Variants in LRRC4C observed in about 807,000 individuals in gnomAD.
LRRC4C encodes the protein leucine rich repeat containing 4C.
Under a neutral mutation model 33.6 loss-of-function variants are expected in LRRC4C, and 5 were observed. The ratio of observed to expected loss-of-function variants is 0.15; its 90% CI spans 0.08 to 0.31. LRRC4C has a LOEUF of 0.31. Among genes scored for constraint, LRRC4C ranks in the 10% least tolerant of loss-of-function variants. LRRC4C has a pLI of 1.00. For missense variants in LRRC4C, 560 were observed against 796.7 expected (o/e 0.70, Z 3.58); for synonymous variants, 329 against 302.0 (o/e 1.09, Z -0.93).
chr11:40,851,028 G>T (rs1274737153), intron 2 of LRRC4C, among the ~76,000 whole-genome samples: 1 of 152,170 alleles, frequency 6.6e-6, no homozygotes, highest in Non-Finnish European at 1.5e-5. Context: ...TGCTGGCAGT[G>T]AGAATTTCAA....
intron 2 of LRRC4C, among the ~76,000 whole-genome samples, chr11:40,708,603 T>C (rs969345928): frequency 6.6e-6 from 1 of 152,226 alleles, no homozygotes; most frequent in Non-Finnish European, 1.5e-5. Context: ...TCTGTTCTTT[T>C]ACATTTGCTG....
chr11:40,790,717 A>C (rs1950590533), intron 2 of LRRC4C, among the ~76,000 whole-genome samples: 1 of 152,234 alleles, frequency 6.6e-6, no homozygotes, highest in Non-Finnish European at 1.5e-5. Flanking sequence ...TTTGAATCCC[A>C]CATCAACAAA....
chr11:41,325,790 T>C (rs1951099774), intron 1 of LRRC4C, among the ~76,000 whole-genome samples: 1 of 152,080 alleles, frequency 6.6e-6, no homozygotes, highest in Non-Finnish European at 1.5e-5. Context: ...ATTTTTAGTA[T>C]ATGCATTTTC....
At chr11:41,190,231 G>A (rs1446861944) in intron 1 of LRRC4C, among the ~76,000 whole-genome samples, 2 of 152,102 alleles carry the variant, frequency 1.3e-5, no homozygotes, top group Non-Finnish European at 2.9e-5. Flanking sequence ...TGAGCCTGAA[G>A]ACAGACGGAG....
At chr11:41,375,672 G>T (rs1591379792) in intron 1 of LRRC4C, among the ~76,000 whole-genome samples, 1 of 152,072 alleles carries the variant, frequency 6.6e-6, no homozygotes, top group Middle Eastern at 3.4e-3. Flanking sequence ...AGCCAAACTG[G>T]GATATCACAA....
Position 41,149,590 on chromosome 11 carries a change from G to T in LRRC4C, c.-495-215867C>A, listed in dbSNP as rs537990249. Among the ~76,000 whole-genome samples the T allele has an allele frequency of 1.6e-4, 25 of 152,086 alleles. No homozygotes were observed. In the South Asian group the frequency reaches 5.2e-3, roughly 32 times the overall value. ...TATAGCATTGGGAAAGGCAAAACTG[G>T]CTCCAATTTAAGTAATCTTTAGGTG... On this transcript the variant is annotated intron_variant, in intron 1 of 6. Transcript: ENST00000528697.
At chr11:41,009,794 T>G (rs951816038) in intron 1 of LRRC4C, among the ~76,000 whole-genome samples, 1 of 152,162 alleles carries the variant, frequency 6.6e-6, no homozygotes, top group Admixed American at 6.5e-5. Context: ...ATCTCTATTA[T>G]GGGTTGAATT....
At chr11:40,556,557 C>T (rs1468492732) in intron 3 of LRRC4C, among the ~76,000 whole-genome samples, 1 of 152,190 alleles carries the variant, frequency 6.6e-6, no homozygotes, top group Non-Finnish European at 1.5e-5. Flanking sequence ...TGCAGTCCAA[C>T]TGATCCTCTC....
At chr11:40,340,730 A>G (rs1946829350) in intron 3 of LRRC4C, among the ~76,000 whole-genome samples, 1 of 152,320 alleles carries the variant, frequency 6.6e-6, no homozygotes, top group Non-Finnish European at 1.5e-5. Flanking sequence ...ATTATGTAAT[A>G]TAATGATATT....
intron 1 of LRRC4C, among the ~76,000 whole-genome samples, chr11:41,293,522 G>T (rs962315962): frequency 6.6e-6 from 1 of 152,050 alleles, no homozygotes; most frequent in African/African-American, 2.4e-5. Flanking sequence ...TTTTTACAAT[G>T]AGCATGTGTT....
At chr11:40,806,928 G>T (rs1221483763) in intron 2 of LRRC4C, among the ~76,000 whole-genome samples, 1 of 151,976 alleles carries the variant, frequency 6.6e-6, no homozygotes, top group Non-Finnish European at 1.5e-5. Context: ...TAAGAGGAGA[G>T]AGTTTTTGCA....
intron 1 of LRRC4C, among the ~76,000 whole-genome samples, chr11:40,948,138 A>T (rs1958496803): frequency 6.6e-6 from 1 of 152,098 alleles, no homozygotes; most frequent in South Asian, 2.1e-4. Flanking sequence ...ACTCCCCCAT[A>T]TAAGTCACAT....
At chr11:40,650,555 C>A (rs1249733994) in intron 2 of LRRC4C, among the ~76,000 whole-genome samples, 2 of 152,116 alleles carry the variant, frequency 1.3e-5, no homozygotes, top group Non-Finnish European at 2.9e-5. Context: ...AGATGCTGCC[C>A]AATTCATGAA....
intron 3 of LRRC4C, among the ~76,000 whole-genome samples, chr11:40,427,192 A>T (rs1204265462): frequency 1.3e-5 from 2 of 152,280 alleles, no homozygotes; most frequent in Non-Finnish European, 1.5e-5. Flanking sequence ...AAAATAAAAG[A>T]AACTTCACCT....
intron 2 of LRRC4C, among the ~76,000 whole-genome samples, chr11:40,872,221 C>T (rs1167189758): frequency 6.6e-6 from 1 of 151,858 alleles, no homozygotes; most frequent in African/African-American, 2.4e-5. Context: ...CCTGTTAGGG[C>T]AAGCCTGCCA....
At chr11:40,448,623 A>G (rs775200500) in intron 3 of LRRC4C, among the ~76,000 whole-genome samples, 21 of 152,120 alleles carry the variant, frequency 1.4e-4, no homozygotes, top group Non-Finnish European at 2.9e-4. Flanking sequence ...GTGTATATGT[A>G]CCACAGTTTT....
At chr11:41,405,527 G>T (rs1954200477) in intron 1 of LRRC4C, among the ~76,000 whole-genome samples, 2 of 152,066 alleles carry the variant, frequency 1.3e-5, no homozygotes, top group African/African-American at 4.8e-5. Flanking sequence ...ATGCAAACCA[G>T]GTGCCATCTG....
At chr11:41,288,825 C>T (rs886651340) in intron 1 of LRRC4C, among the ~76,000 whole-genome samples, 1 of 152,146 alleles carries the variant, frequency 6.6e-6, no homozygotes, top group Non-Finnish European at 1.5e-5. Flanking sequence ...TTACTTATAA[C>T]TGTAGAACTC....
chr11:41,366,832 A>G (rs1400661318), intron 1 of LRRC4C, among the ~76,000 whole-genome samples: 1 of 152,184 alleles, frequency 6.6e-6, no homozygotes, highest in African/African-American at 2.4e-5. Flanking sequence ...GATTGATCTC[A>G]GACTTCCAGT....
Sources: gnomAD v4.1 joint callset for allele counts (sites outside exome capture counted in the v4.1 genomes callset) on GRCh38, gnomAD v4.1.1 for gene constraint, MANE v1.5 for transcripts, NCBI Gene and HGNC (gene_info 2026-07-23, HGNC 2026-07-21) for gene names.